SLC1A3: variants seen among roughly 807,000 people sequenced by gnomAD.
SLC1A3 encodes the protein solute carrier family 1 member 3.
In SLC1A3, 21 loss-of-function variants were observed where a neutral mutation model predicts 48.1. That is an observed-to-expected ratio of 0.44 (90% CI 0.31 to 0.63). The LOEUF (loss-of-function observed/expected upper bound fraction) is 0.63, where lower values mean the gene tolerates loss of function less well. Among genes scored for constraint, SLC1A3 ranks in the 20% least tolerant of loss-of-function variants. The pLI, the probability that SLC1A3 is intolerant of heterozygous loss-of-function variation, is 0.08. For missense variants in SLC1A3, 546 were observed against 689.0 expected (o/e 0.79, Z 2.32); for synonymous variants, 239 against 251.4 (o/e 0.95, Z 0.47).
At chr5:36,645,830 G>A (rs931726025) in intron 3 of SLC1A3, among the ~76,000 whole-genome samples, 1 of 152,116 alleles carries the variant, frequency 6.6e-6, no homozygotes, top group African/African-American at 2.4e-5. Flanking sequence ...GGAGAGTTAG[G>A]GTTAATGTTT....
At chr5:36,666,880 T>A (rs550565679) in intron 3 of SLC1A3, among the ~76,000 whole-genome samples, 2 of 152,330 alleles carry the variant, frequency 1.3e-5, no homozygotes, top group African/African-American at 4.8e-5. Flanking sequence ...GACAAATCAA[T>A]TGCCAAAAGA....
intron 3 of SLC1A3, among the ~76,000 whole-genome samples, chr5:36,646,994 G>A (rs1740866184): frequency 6.6e-6 from 1 of 152,180 alleles, no homozygotes; most frequent in Non-Finnish European, 1.5e-5. Flanking sequence ...TGCTTCTGGG[G>A]TATAAAGGTC....
intron 3 of SLC1A3, among the ~76,000 whole-genome samples, chr5:36,653,286 G>T (rs923815092): frequency 6.6e-6 from 1 of 152,178 alleles, no homozygotes; most frequent in Non-Finnish European, 1.5e-5. Flanking sequence ...CATTGTGAGC[G>T]ACACTGGTTT....
At chr5:36,683,743 A>C in intron 8 of SLC1A3, 121 bp from the exon 9 acceptor site, 1 of 1,047,004 alleles carries the variant, frequency 9.6e-7, no homozygotes, top group Non-Finnish European at 1.5e-6. Flanking sequence ...TTTTTTCTGA[A>C]GCGCGTCCTC....
intron 2 of SLC1A3, among the ~76,000 whole-genome samples, chr5:36,627,728 A>T (rs375194973): frequency 1.2e-4 from 18 of 152,350 alleles, no homozygotes; most frequent in African/African-American, 4.3e-4. Flanking sequence ...GTATTGGAAC[A>T]TTCTGCAAAA....
At chr5:36,638,589 T>C (rs1740484948) in intron 3 of SLC1A3, among the ~76,000 whole-genome samples, 1 of 152,188 alleles carries the variant, frequency 6.6e-6, no homozygotes, top group East Asian at 1.9e-4. Context: ...AGGGTTCCAC[T>C]AGGACCATGT....
At chr5:36,608,136 G>A (rs1389009456) in intron 1 of SLC1A3, 193 bp from the exon 2 acceptor site, 5 of 361,810 alleles carry the variant, frequency 1.4e-5, no homozygotes, top group South Asian at 4.9e-5. Flanking sequence ...AATATATTCC[G>A]AATTTATGCA....
At chr5:36,643,165 G>A (rs1330009540) in intron 3 of SLC1A3, among the ~76,000 whole-genome samples, 2 of 152,116 alleles carry the variant, frequency 1.3e-5, no homozygotes, top group East Asian at 3.9e-4. Flanking sequence ...TTTCTCTTGT[G>A]TATTTACTTA....
intron 6 of SLC1A3, among the ~76,000 whole-genome samples, chr5:36,677,451 A>AT (rs1249651286): frequency 2.0e-5 from 3 of 152,058 alleles, no homozygotes; most frequent in Non-Finnish European, 4.4e-5. Flanking sequence ...TCATTTCTCC[A>AT]TTTTTTATCT....
upstream of SLC1A3, among the ~76,000 whole-genome samples, chr5:36,603,776 A>G (rs1012714530): frequency 6.6e-6 from 1 of 152,226 alleles, no homozygotes; most frequent in Non-Finnish European, 1.5e-5. Context: ...TCCAAATTCT[A>G]GGAGGAGAAT....
rs1308741460 is a variant in SLC1A3, at chr5:36,688,174, GT to G, written c.*1911del. ...AACTTAATTCTGTTACACAATATGTGTTTTTTAATATACTAACCATTTCTTA... is the reference window on the plus strand; with the variant it reads ...AACTTAATTCTGTTACACAATATGTGTTTTTAATATACTAACCATTTCTTA... On this transcript the variant is annotated 3_prime_UTR_variant, in exon 10 of 10. Coordinates refer to ENST00000265113, the MANE Select transcript of SLC1A3 (RefSeq NM_004172.5). The G allele has an allele frequency of 9.2e-5, 14 of 152,158 alleles. No homozygotes were observed. The highest frequency in any genetic ancestry group is 1.6e-4 in the Non-Finnish European group (11 of 68,036). The allele number at this position is 152,158 out of a possible 1,614,324, so 9.4% of individuals were successfully genotyped here.
rs550488583 is a variant in SLC1A3, at chr5:36,674,784, CT to C, written c.567+696del. On this transcript the variant is annotated intron_variant, in intron 5 of 9. Coordinates refer to ENST00000265113, the MANE Select transcript of SLC1A3 (RefSeq NM_004172.5). ...TTGTGTTGACTCCAAATTCTATCTG[CT>C]TTCTGCTACTCCATTCTGCTTCCAT... Among the ~76,000 whole-genome samples the C allele has an allele frequency of 1.8e-3, 276 of 152,282 alleles. 2 individuals carry two copies. Among genetic ancestry groups the C allele is most frequent in the African/African-American group, 6.2e-3 (259 of 41,558 alleles).
At chr5:36,665,572 T>A (rs376058283) in intron 3 of SLC1A3, among the ~76,000 whole-genome samples, 40 of 152,372 alleles carry the variant, frequency 2.6e-4, no homozygotes, top group African/African-American at 9.4e-4. Flanking sequence ...TATGTACCTG[T>A]TTAATAAGTA....
intron 3 of SLC1A3, 47 bp from the exon 4 acceptor site, chr5:36,670,982 A>G: frequency 6.6e-7 from 1 of 1,526,600 alleles, no homozygotes; most frequent in Non-Finnish European, 9.1e-7. Flanking sequence ...TCCACTGGAG[A>G]ATTCCCTGGA....
chr5:36,634,233 G>A (rs963574537), intron 3 of SLC1A3, among the ~76,000 whole-genome samples: 19 of 151,916 alleles, frequency 1.3e-4, no homozygotes, highest in East Asian at 1.9e-4. Context: ...CCAAGATCGC[G>A]CCACTGTAGT....
chr5:36,641,030 C>G (rs947427439), intron 3 of SLC1A3, among the ~76,000 whole-genome samples: 2 of 152,074 alleles, frequency 1.3e-5, no homozygotes, highest in Admixed American at 6.6e-5. Context: ...AAGAGCTGAT[C>G]ACTTGAACAA....
At chr5:36,663,930 T>C (rs890737533) in intron 3 of SLC1A3, among the ~76,000 whole-genome samples, 2 of 152,214 alleles carry the variant, frequency 1.3e-5, no homozygotes, top group East Asian at 3.9e-4. Flanking sequence ...AAGTGAACCT[T>C]TCTAAAATGT....
At chr5:36,624,251 T>C (rs1739810979) in intron 2 of SLC1A3, among the ~76,000 whole-genome samples, 1 of 152,200 alleles carries the variant, frequency 6.6e-6, no homozygotes, top group Non-Finnish European at 1.5e-5. Flanking sequence ...GCTCTAGATT[T>C]AGTTAATGTC....
intron 4 of SLC1A3, among the ~76,000 whole-genome samples, chr5:36,673,408 G>A (rs1375577402): frequency 4.6e-5 from 7 of 152,152 alleles, no homozygotes; most frequent in African/African-American, 1.7e-4. Flanking sequence ...TTCCCAGCCA[G>A]AGTGTTGTCC....
Sources: gnomAD v4.1 joint callset for allele counts (sites outside exome capture counted in the v4.1 genomes callset) on GRCh38, gnomAD v4.1.1 for gene constraint, MANE v1.5 for transcripts, NCBI Gene and HGNC (gene_info 2026-07-23, HGNC 2026-07-21) for gene names.